Variants in OSBPL1A observed in about 807,000 individuals in gnomAD.
OSBPL1A encodes oxysterol-binding protein-related protein 1.
Under a neutral mutation model 137.1 loss-of-function variants are expected in OSBPL1A, and 80 were observed. That is an observed-to-expected ratio of 0.58 (90% CI 0.49 to 0.70). The LOEUF (loss-of-function observed/expected upper bound fraction) is 0.70, where lower values mean the gene tolerates loss of function less well. Among genes scored for constraint, OSBPL1A ranks in the 30% least tolerant of loss-of-function variants. The pLI, the probability that OSBPL1A is intolerant of heterozygous loss-of-function variation, is 0.00. For missense variants in OSBPL1A, 970 were observed against 1,129.4 expected (o/e 0.86, Z 2.02); for synonymous variants, 365 against 389.7 (o/e 0.94, Z 0.75).
At chr18:24,306,451 C>T (rs1467434114) in intron 13 of OSBPL1A, among the ~76,000 whole-genome samples, 2 of 152,214 alleles carry the variant, frequency 1.3e-5, no homozygotes, top group Admixed American at 1.3e-4. Flanking sequence ...TAATTAAGCA[C>T]AGAAGCAGAT....
intron 17 of OSBPL1A, among the ~76,000 whole-genome samples, chr18:24,220,543 T>C (rs2087856128): frequency 6.6e-6 from 1 of 152,176 alleles, no homozygotes; most frequent in African/African-American, 2.4e-5. Context: ...TCACCACAAA[T>C]CTGGCTCATT....
chr18:24,376,323 G>T (rs1906130232), intron 2 of OSBPL1A, among the ~76,000 whole-genome samples: 1 of 152,180 alleles, frequency 6.6e-6, no homozygotes, highest in African/African-American at 2.4e-5. Context: ...GGTTCTCCAA[G>T]GCCCCACCAG....
chr18:24,172,543 A>T, intron 21 of OSBPL1A, 60 bp from the exon 22 acceptor site: 1 of 1,211,260 alleles, frequency 8.3e-7, no homozygotes, highest in Non-Finnish European at 1.2e-6. Context: ...TTTAAAAAGT[A>T]CACTTGTTCC....
At position 24,353,087 on chromosome 18, in the gene OSBPL1A, A is replaced by C. The variant is rs370762902; in HGVS notation, c.283-11429T>G. ...CAAATGGGATCTAATTAAACTAAAG[A>C]GCTTCTGCACAGCAAAAAAAACTAC... On this transcript the variant is annotated intron_variant, in intron 4 of 27. Transcript: ENST00000319481. Among the ~76,000 whole-genome samples the C allele has an allele frequency of 9.9e-5, 15 of 152,278 alleles. No individual in the cohort carries two copies. In the East Asian group the frequency reaches 2.3e-3, roughly 23 times the overall value.
chr18:24,336,260 G>A (rs375363879), intron 5 of OSBPL1A, among the ~76,000 whole-genome samples: 6 of 152,246 alleles, frequency 3.9e-5, no homozygotes, highest in African/African-American at 1.4e-4. Context: ...TTTGTCCCAG[G>A]TTTTAGGGAA....
chr18:24,263,539 A>G (rs2089493164), intron 15 of OSBPL1A, among the ~76,000 whole-genome samples: 1 of 152,190 alleles, frequency 6.6e-6, no homozygotes, highest in South Asian at 2.1e-4. Flanking sequence ...TTTGCCATGT[A>G]TTTTTACTTG....
In OSBPL1A at chr18:24,312,984, C is replaced by T. The variant is rs146608990; in HGVS notation, c.970-878G>A. Among the ~76,000 whole-genome samples the T allele has an allele frequency of 5.2e-3, 788 of 151,532 alleles. 9 individuals carry two copies. Among genetic ancestry groups the T allele is most frequent in the African/African-American group, 0.017 (713 of 41,210 alleles). ...ACTAAAAATACAAAAATTAGCCAGG[C>T]ATGGTGGTACATGCCTGTAATCCCA... On this transcript the variant is annotated intron_variant, in intron 12 of 27. Coordinates refer to ENST00000319481, the MANE Select transcript of OSBPL1A (RefSeq NM_080597.4).
intron 1 of OSBPL1A, among the ~76,000 whole-genome samples, chr18:24,379,128 G>A (rs1373460849): frequency 2.0e-5 from 3 of 151,970 alleles, no homozygotes; most frequent in Admixed American, 2.0e-4. Flanking sequence ...AAGAACTTTG[G>A]AAATAAAAAT....
intron 17 of OSBPL1A, among the ~76,000 whole-genome samples, chr18:24,200,801 T>A (rs1275827275): frequency 6.6e-6 from 1 of 152,170 alleles, no homozygotes; most frequent in Non-Finnish European, 1.5e-5. Flanking sequence ...AAGAAAATGC[T>A]AAATCTTCTG....
intron 1 of OSBPL1A, among the ~76,000 whole-genome samples, chr18:24,381,954 C>A (rs1418192039): frequency 1.3e-5 from 2 of 150,978 alleles, no homozygotes; most frequent in Non-Finnish European, 2.9e-5. Context: ...GAGGGAGACT[C>A]CACCTCAAAA....
intron 15 of OSBPL1A, among the ~76,000 whole-genome samples, chr18:24,250,924 T>C (rs1233022112): frequency 2.0e-5 from 3 of 152,140 alleles, no homozygotes; most frequent in African/African-American, 7.2e-5. Flanking sequence ...CATAAGCTGA[T>C]GAAAGAGCCC....
rs775985926 is a variant in OSBPL1A at position 24,177,986 on chromosome 18, G to C, written c.2093+27C>G. On this transcript the variant is annotated intron_variant, in intron 21 of 27. Transcript: ENST00000319481. ...ACTTACAGGCAGGTCTACATGAAAA[G>C]AGTGTAATGGCTTGATCAGAACTCA... is the stretch of plus-strand genomic sequence containing the variant. 7 of 1,597,650 alleles carry C rather than the reference G, an allele frequency of 4.4e-6. No individual in the cohort carries two copies. The South Asian group carries it at 7.8e-5, about 18-fold the overall frequency.
chr18:24,313,005 T>A (rs2090649682), intron 12 of OSBPL1A, among the ~76,000 whole-genome samples: 1 of 151,520 alleles, frequency 6.6e-6, no homozygotes, highest in Admixed American at 6.6e-5. Flanking sequence ...ATGCCTGTAA[T>A]CCCAGCTACT....
At chr18:24,189,758 A>G (rs147140002) in intron 18 of OSBPL1A, among the ~76,000 whole-genome samples, 3 of 152,230 alleles carry the variant, frequency 2.0e-5, no homozygotes, top group African/African-American at 4.8e-5. Flanking sequence ...GAGTTACTCT[A>G]AGGTGTCCCG....
At chr18:24,355,333 C>G (rs189619845) in intron 4 of OSBPL1A, among the ~76,000 whole-genome samples, 261 of 151,356 alleles carry the variant, frequency 1.7e-3, no homozygotes, top group African/African-American at 6.0e-3. Context: ...GAAACCCCGT[C>G]TCTACTAAAA....
intron 15 of OSBPL1A, among the ~76,000 whole-genome samples, chr18:24,251,804 G>A (rs2089106581): frequency 6.6e-6 from 1 of 152,044 alleles, no homozygotes; most frequent in Non-Finnish European, 1.5e-5. Context: ...TCATTTTGAG[G>A]AAACTCAAAA....
At chr18:24,337,123 C>G (rs866658473) in intron 5 of OSBPL1A, among the ~76,000 whole-genome samples, 2 of 152,076 alleles carry the variant, frequency 1.3e-5, no homozygotes, top group Non-Finnish European at 2.9e-5. Context: ...AATACATATC[C>G]TGAATCTAAT....
intron 15 of OSBPL1A, among the ~76,000 whole-genome samples, chr18:24,252,278 CA>C (rs2089119781): frequency 1.3e-5 from 2 of 152,100 alleles, no homozygotes; most frequent in South Asian, 4.2e-4. Flanking sequence ...ATCTAAGAAT[CA>C]AACTCCCAAA....
At chr18:24,265,720 C>T (rs764535860) in intron 15 of OSBPL1A, among the ~76,000 whole-genome samples, 4 of 152,150 alleles carry the variant, frequency 2.6e-5, no homozygotes, top group Non-Finnish European at 4.4e-5. Context: ...ATGTTGTCAC[C>T]GGAGCATAGC....
Sources: gnomAD v4.1 joint callset for allele counts (sites outside exome capture counted in the v4.1 genomes callset) on GRCh38, gnomAD v4.1.1 for gene constraint, MANE v1.5 for transcripts, NCBI Gene and HGNC (gene_info 2026-07-23, HGNC 2026-07-21) for gene names.